The following RBFOX1 variants were observed in gnomAD, a reference collection of about 807,000 sequenced individuals.
RBFOX1 encodes RNA binding fox-1 homolog 1.
RBFOX1 carries 8 observed loss-of-function variants against 57.7 expected under a neutral mutation model. The observed-to-expected ratio is 0.14, with a 90% CI of 0.08 to 0.25. The LOEUF (loss-of-function observed/expected upper bound fraction) is 0.25. RBFOX1 is among the 10% of genes least tolerant of loss of function. RBFOX1 has a pLI of 1.00. For missense variants in RBFOX1, 611 were observed against 548.5 expected, an observed-to-expected ratio of 1.11 and a Z score of -1.14; for synonymous variants, 326 against 222.4, an observed-to-expected ratio of 1.47 and a Z score of -4.15.
At chr16:5,585,786 C>A (rs554985325) in intron 2 of RBFOX1, among the ~76,000 whole-genome samples, 1 of 152,330 alleles carries the variant, frequency 6.6e-6, no homozygotes, top group Admixed American at 6.5e-5. Flanking sequence ...TCAAGAACTG[C>A]AGATCCTTGG....
intron 4 of RBFOX1, among the ~76,000 whole-genome samples, chr16:7,378,983 T>A (rs1446619443): frequency 6.6e-6 from 1 of 152,254 alleles, no homozygotes; most frequent in East Asian, 1.9e-4. Flanking sequence ...TAGAATCTGG[T>A]GGACTGCAAG....
chr16:5,796,404 A>G (rs1158523304), intron 3 of RBFOX1, among the ~76,000 whole-genome samples: 2 of 152,226 alleles, frequency 1.3e-5, no homozygotes, highest in African/African-American at 4.8e-5. Flanking sequence ...GTGATCAAGT[A>G]TCCAGGGTTT....
intron 11 of RBFOX1, among the ~76,000 whole-genome samples, chr16:7,633,295 G>T (rs2142885780): frequency 6.6e-6 from 1 of 152,276 alleles, no homozygotes. Flanking sequence ...GTGTGTAGCT[G>T]TACCTTTTTC....
intron 4 of RBFOX1, among the ~76,000 whole-genome samples, chr16:6,009,897 C>T (rs150116492): frequency 8.6e-5 from 13 of 151,666 alleles, no homozygotes; most frequent in Non-Finnish European, 1.3e-4. Flanking sequence ...TCAGAATCTC[C>T]AGCATGGAGC....
intron 1 of RBFOX1, among the ~76,000 whole-genome samples, chr16:5,454,251 A>G (rs887493775): frequency 6.6e-6 from 1 of 152,338 alleles, no homozygotes; most frequent in Middle Eastern, 3.4e-3. Context: ...TGGAGGGAAT[A>G]GTGTCTATCA....
At chr16:6,311,878 G>T (rs1331604838) in intron 1 of RBFOX1, among the ~76,000 whole-genome samples, 1 of 152,126 alleles carries the variant, frequency 6.6e-6, no homozygotes, top group Non-Finnish European at 1.5e-5. Flanking sequence ...CTACCACCAG[G>T]AATCGCACAT....
At chr16:7,165,885 T>G (rs1248276625) in intron 4 of RBFOX1, among the ~76,000 whole-genome samples, 4 of 151,758 alleles carry the variant, frequency 2.6e-5, no homozygotes, top group Non-Finnish European at 5.9e-5. Flanking sequence ...CTTGAATAGA[T>G]ATGTTGGATT....
chr16:6,500,476 C>G (rs577429413), intron 2 of RBFOX1, among the ~76,000 whole-genome samples: 1 of 152,236 alleles, frequency 6.6e-6, no homozygotes, highest in African/African-American at 2.4e-5. Flanking sequence ...TAGTACTTGG[C>G]CAAGGGTGAG....
chr16:6,934,051 C>T lies in RBFOX1; in HGVS notation c.-15-118006C>T, dbSNP rs113854843. Among the ~76,000 whole-genome samples, 974 of 152,224 alleles carry T rather than the reference C, an allele frequency of 6.4e-3. 7 individuals are homozygous for T. The highest frequency in any genetic ancestry group is 0.011 in the Non-Finnish European group (715 of 68,000). On this transcript the variant is annotated intron_variant, in intron 3 of 15. Transcript: ENST00000550418. ...TGCACACTGGGCTAGAGCTGCTGTC[C>T]GAGAGGCCTTGAGGGTAGGCGTACG... is the stretch of plus-strand genomic sequence containing the variant.
Position 5,488,026 on chromosome 16 carries a change from TGTG to T in RBFOX1, c.258+20776_258+20778del, listed in dbSNP as rs1324612495. Among the ~76,000 whole-genome samples the T allele has an allele frequency of 5.9e-5, 9 of 152,012 alleles. No homozygotes were observed. The East Asian group carries it at 9.7e-4, about 16-fold the overall frequency. ...TAATAGTGATGATGATGATGATGGT[TGTG>T]GTGCTGGTGGTGATGATGATGGTGG... On this transcript the variant is annotated intron_variant, in intron 2 of 2. Coordinates refer to the RBFOX1 transcript ENST00000585867.
intron 2 of RBFOX1, among the ~76,000 whole-genome samples, chr16:6,320,432 C>A (rs1174903504): frequency 1.3e-5 from 2 of 151,860 alleles, no homozygotes; most frequent in East Asian, 1.9e-4. Context: ...CCTCAAAAAT[C>A]GCCACTAAAG....
intron 1 of RBFOX1, among the ~76,000 whole-genome samples, chr16:6,167,985 T>C (rs941038211): frequency 3.9e-5 from 6 of 152,210 alleles, no homozygotes; most frequent in African/African-American, 1.4e-4. Flanking sequence ...TTATAAACTT[T>C]AACCTTAGTG....
intron 4 of RBFOX1, among the ~76,000 whole-genome samples, chr16:7,356,338 G>A (rs780923163): frequency 2.6e-5 from 4 of 152,158 alleles, no homozygotes; most frequent in African/African-American, 4.8e-5. Context: ...TATGCCCCAA[G>A]ACACAGAGGG....
rs1281803457 is a variant in RBFOX1, at chr16:7,207,841, T to C, written c.27+155743T>C. Among the ~76,000 whole-genome samples the C allele has an allele frequency of 2.0e-5, 3 of 152,138 alleles. No individual in the cohort carries two copies. In the East Asian group the frequency reaches 5.8e-4, roughly 29 times the overall value. On this transcript the variant is annotated intron_variant, in intron 4 of 15. Transcript: ENST00000550418. ...GGCCACCATCTATCACCAGAGAATA[T>C]CTTACCTTTATTCAGGAGAGAGAGC...
chr16:6,245,714 AAAAGCTC>A (rs1371390801), intron 1 of RBFOX1, among the ~76,000 whole-genome samples: 4 of 152,190 alleles, frequency 2.6e-5, no homozygotes, highest in African/African-American at 9.7e-5. Flanking sequence ...AGCAGGGCAC[AAAAGCTC>A]TGAGAACTAA....
At chr16:6,117,340 G>A (rs1234944380) in intron 1 of RBFOX1, among the ~76,000 whole-genome samples, 1 of 152,130 alleles carries the variant, frequency 6.6e-6, no homozygotes, top group South Asian at 2.1e-4. Flanking sequence ...CTTCACCTTC[G>A]TTTCCAAGTT....
At chr16:6,039,515 A>G (rs2095413131) in intron 1 of RBFOX1, among the ~76,000 whole-genome samples, 1 of 152,166 alleles carries the variant, frequency 6.6e-6, no homozygotes, top group African/African-American at 2.4e-5. Flanking sequence ...TCCTAAAGGC[A>G]GGATTTTTTT....
chr16:6,454,045 A>T (rs953138112), intron 2 of RBFOX1, among the ~76,000 whole-genome samples: 2 of 152,078 alleles, frequency 1.3e-5, no homozygotes, highest in Non-Finnish European at 2.9e-5. Context: ...GGGTTTTCAC[A>T]TGGTCTTTCT....
intron 3 of RBFOX1, among the ~76,000 whole-genome samples, chr16:6,790,325 C>T (rs2082705887): frequency 6.6e-6 from 1 of 151,914 alleles, no homozygotes; most frequent in Non-Finnish European, 1.5e-5. Context: ...GCTGGTATTA[C>T]AGGCACCCGC....
Sources: allele counts gnomAD v4.1 joint callset (sites outside exome capture counted in the v4.1 genomes callset), GRCh38; gene constraint gnomAD v4.1.1; transcripts MANE v1.5; gene names NCBI Gene and HGNC (gene_info 2026-07-23, HGNC 2026-07-21).